The following PDE3A variants were observed in gnomAD, a reference collection of about 807,000 sequenced individuals.
The protein encoded by PDE3A is phosphodiesterase 3A.
In PDE3A, 43 loss-of-function variants were observed where a neutral mutation model predicts 98.3. That is an observed-to-expected ratio of 0.44 (90% CI 0.34 to 0.56). The LOEUF is 0.56. Among genes scored for constraint, PDE3A ranks in the 20% least tolerant of loss-of-function variants. PDE3A has a pLI of 0.01. For synonymous variants in PDE3A, 663 were observed against 567.9 expected (o/e 1.17, Z -2.38); for missense variants, 1,427 against 1,440.7 (o/e 0.99, Z 0.15).
intron 1 of PDE3A, among the ~76,000 whole-genome samples, chr12:20,417,270 T>C (rs570428775): frequency 2.6e-5 from 4 of 152,324 alleles, no homozygotes; most frequent in African/African-American, 9.6e-5. Context: ...AAAAGTCCTG[T>C]AGAAAAAGGT....
At chr12:20,473,493 C>T (rs1646516850) in intron 1 of PDE3A, among the ~76,000 whole-genome samples, 1 of 152,114 alleles carries the variant, frequency 6.6e-6, no homozygotes, top group African/African-American at 2.4e-5. Context: ...CAAACACTAG[C>T]CAACTCGATG....
At chr12:20,385,225 A>C (rs1431882551) in intron 1 of PDE3A, among the ~76,000 whole-genome samples, 2 of 152,016 alleles carry the variant, frequency 1.3e-5, no homozygotes, top group Non-Finnish European at 2.9e-5. Flanking sequence ...AATGCAAATC[A>C]AAACCACAAT....
chr12:20,496,390 C>T (rs76375841), intron 1 of PDE3A, among the ~76,000 whole-genome samples: 4,067 of 152,228 alleles, frequency 0.027, 181 homozygotes, highest in African/African-American at 0.093. Flanking sequence ...CTCCTTAGAA[C>T]TTGTTCAAGA....
intron 1 of PDE3A, among the ~76,000 whole-genome samples, chr12:20,555,381 A>C (rs889663520): frequency 2.6e-5 from 4 of 152,164 alleles, no homozygotes; most frequent in Non-Finnish European, 5.9e-5. Flanking sequence ...GTATATTTAC[A>C]ATGTAAAGTA....
chr12:20,373,948 A>C (rs953061976), intron 1 of PDE3A, among the ~76,000 whole-genome samples: 1 of 152,164 alleles, frequency 6.6e-6, no homozygotes, highest in South Asian at 2.1e-4. Flanking sequence ...TGTAGAATAC[A>C]TTGTTTAAAT....
At position 20,372,421 on chromosome 12, in the gene PDE3A, C is replaced by T. The variant is rs184619103; in HGVS notation, c.960+2177C>T. On this transcript the variant is annotated intron_variant, in intron 1 of 15. Transcript: ENST00000359062. ...TAATGAGGGCATGGGTGAGTGTGTG[C>T]GTGTCACTGAAGACTGGTTTTTATA... Among the ~76,000 whole-genome samples, 527 of 152,012 alleles carry T rather than the reference C, an allele frequency of 3.5e-3. 4 individuals carry two copies. Among genetic ancestry groups the T allele is most frequent in the African/African-American group, 0.012 (496 of 41,478 alleles).
At chr12:20,441,093 G>T (rs904243629) in intron 1 of PDE3A, among the ~76,000 whole-genome samples, 1 of 152,138 alleles carries the variant, frequency 6.6e-6, no homozygotes, top group African/African-American at 2.4e-5. Flanking sequence ...GTACTGTTGG[G>T]AGTATAATGG....
intron 1 of PDE3A, among the ~76,000 whole-genome samples, chr12:20,426,120 G>T (rs1308785969): frequency 6.6e-6 from 1 of 152,132 alleles, no homozygotes; most frequent in Non-Finnish European, 1.5e-5. Flanking sequence ...TGCTGTTGAG[G>T]AAAATTTTAA....
chr12:20,546,647 C>T lies in PDE3A; in HGVS notation c.961-10013C>T, dbSNP rs185884731. On this transcript the variant is annotated intron_variant, in intron 1 of 15. Transcript: ENST00000359062. ...TTTAGTTTCTTATCAAATCAAAAAC[C>T]GTGTGCTCGTCAGAGTAAATGTGGT... is the stretch of plus-strand genomic sequence containing the variant. Among the ~76,000 whole-genome samples, 307 of 152,120 alleles carry T rather than the reference C, an allele frequency of 2.0e-3. 1 individual carries two copies. Among genetic ancestry groups the T allele is most frequent in the Middle Eastern group, 0.01 (3 of 294 alleles).
intron 1 of PDE3A, among the ~76,000 whole-genome samples, chr12:20,408,199 G>A (rs75187383): frequency 0.026 from 3,947 of 152,244 alleles, 80 homozygotes; most frequent in Admixed American, 0.059. Context: ...GATTACAGGC[G>A]TGAGCCACCA....
chr12:20,529,121 CTAAA>C (rs1406539933), intron 1 of PDE3A, among the ~76,000 whole-genome samples: 2 of 152,044 alleles, frequency 1.3e-5, no homozygotes, highest in Admixed American at 1.3e-4. Flanking sequence ...TCCCAAATCT[CTAAA>C]TAAAATCTAC....
At chr12:20,468,649 T>A (rs1945384993) in intron 1 of PDE3A, among the ~76,000 whole-genome samples, 1 of 152,198 alleles carries the variant, frequency 6.6e-6, no homozygotes, top group South Asian at 2.1e-4. Context: ...GCTCCAAGCA[T>A]GCCAGACCTA....
At chr12:20,594,962 T>C (rs914105436) in intron 2 of PDE3A, among the ~76,000 whole-genome samples, 2 of 152,136 alleles carry the variant, frequency 1.3e-5, no homozygotes, top group African/African-American at 4.8e-5. Flanking sequence ...TATTTATCTA[T>C]ACAGTTGGTA....
At chr12:20,588,166 C>T (rs1373344060) in intron 2 of PDE3A, among the ~76,000 whole-genome samples, 4 of 152,136 alleles carry the variant, frequency 2.6e-5, no homozygotes, top group African/African-American at 9.7e-5. Context: ...CTGCTGACGT[C>T]AACGAAATTG....
intron 1 of PDE3A, among the ~76,000 whole-genome samples, chr12:20,391,087 T>C (rs1943906108): frequency 6.6e-6 from 1 of 151,844 alleles, no homozygotes; most frequent in Non-Finnish European, 1.5e-5. Flanking sequence ...AAAAAGTACA[T>C]GGGCAAGGTT....
rs1945849876 is a variant in PDE3A at position 20,683,383 on chromosome 12, A to G, written c.*3112A>G. The G allele has an allele frequency of 1.3e-5, 2 of 152,186 alleles. No homozygotes were observed. The highest frequency in any genetic ancestry group is 2.1e-4 in the South Asian group (1 of 4,830). The allele number at this position is 152,186 out of a possible 1,614,324, so 9.4% of individuals were successfully genotyped here. A position where few individuals can be genotyped will look rare whatever the true frequency, so the allele number is the denominator to read the frequency against. ...ATTAAACTCAGGTCTTTCAAATGAA[A>G]GAGTTTCTAGCCCACTTAGGGAAAA... On this transcript the variant is annotated 3_prime_UTR_variant, in exon 16 of 16. Transcript: ENST00000359062.
intron 1 of PDE3A, among the ~76,000 whole-genome samples, chr12:20,502,991 A>G (rs1266521473): frequency 6.6e-6 from 1 of 152,112 alleles, no homozygotes; most frequent in African/African-American, 2.4e-5. Context: ...GAGATGATGC[A>G]TATCTCGTTG....
At chr12:20,591,386 A>T (rs569939320) in intron 2 of PDE3A, among the ~76,000 whole-genome samples, 7 of 152,248 alleles carry the variant, frequency 4.6e-5, no homozygotes, top group Non-Finnish European at 7.3e-5. Flanking sequence ...TCAAACTGTC[A>T]TCTGATCTGA....
intron 15 of PDE3A, among the ~76,000 whole-genome samples, chr12:20,654,897 G>A (rs1165395652): frequency 6.6e-6 from 1 of 151,980 alleles, no homozygotes; most frequent in African/African-American, 2.4e-5. Flanking sequence ...CTTGGTTAGG[G>A]GAACTCCATG....
Sources: gnomAD v4.1 joint callset for allele counts (sites outside exome capture counted in the v4.1 genomes callset) on GRCh38, gnomAD v4.1.1 for gene constraint, MANE v1.5 for transcripts, NCBI Gene and HGNC (gene_info 2026-07-23, HGNC 2026-07-21) for gene names.